Variants in RAG1 observed in about 807,000 individuals in gnomAD.
RAG1 encodes the protein V(D)J recombination-activating protein 1.
Under a neutral mutation model 62.7 loss-of-function variants are expected in RAG1, and 35 were observed. The ratio of observed to expected loss-of-function variants is 0.56; its 90% CI spans 0.43 to 0.74. The LOEUF (loss-of-function observed/expected upper bound fraction) is 0.74, where lower values mean the gene tolerates loss of function less well. Among genes scored for constraint, RAG1 ranks in the 30% least tolerant of loss-of-function variants. The pLI is 0.00. For synonymous variants in RAG1, 461 were observed against 470.3 expected (o/e 0.98, Z 0.26); for missense variants, 1,169 against 1,278.6 (o/e 0.91, Z 1.31).
At chr11:36,547,542 ATG>A (rs1850413447) in intron 3 of RAG1, among the ~76,000 whole-genome samples, 1 of 152,072 alleles carries the variant, frequency 6.6e-6, no homozygotes, top group African/African-American at 2.4e-5. Context: ...GGATAAATTC[ATG>A]GACACATATA....
At chr11:36,551,280 C>T (rs1850477763) in intron 3 of RAG1, among the ~76,000 whole-genome samples, 1 of 152,044 alleles carries the variant, frequency 6.6e-6, no homozygotes, top group Non-Finnish European at 1.5e-5. Flanking sequence ...TATCATAGGT[C>T]TTTCTGATTA....
At chr11:36,540,542 C>A (rs1285287597), downstream of RAG1, among the ~76,000 whole-genome samples, 1 of 152,080 alleles carries the variant, frequency 6.6e-6, no homozygotes, top group Non-Finnish European at 1.5e-5. Flanking sequence ...GTAGCTGGGA[C>A]TACAGGCGCC....
intron 1 of RAG1, among the ~76,000 whole-genome samples, chr11:36,514,994 T>G (rs1246280658): frequency 6.6e-6 from 1 of 152,106 alleles, no homozygotes; most frequent in Non-Finnish European, 1.5e-5. Context: ...GTCAGTGTGG[T>G]TGAGGCAGGG....
chr11:36,514,727 G>A (rs1325680725), intron 1 of RAG1, among the ~76,000 whole-genome samples: 2 of 152,306 alleles, frequency 1.3e-5, no homozygotes, highest in Non-Finnish European at 1.5e-5. Flanking sequence ...GTGCTCTTGT[G>A]AGAATCTAAT....
chr11:36,565,624 G>C (rs147500932), upstream of RAG1, among the ~76,000 whole-genome samples: 2 of 152,162 alleles, frequency 1.3e-5, no homozygotes, highest in African/African-American at 4.8e-5. Context: ...AATTTGCTTG[G>C]AACAACATGG....
At chr11:36,528,215 T>TATTCTAA (rs1860195975) in intron 2 of RAG1, among the ~76,000 whole-genome samples, 1 of 152,136 alleles carries the variant, frequency 6.6e-6, no homozygotes, top group East Asian at 1.9e-4. Context: ...ACATCACACT[T>TATTCTAA]ATTCTAAAAT....
rs1850817905 is a variant in RAG1 at position 36,574,975 on chromosome 11, A to G, written c.1671A>G (p.Ala557=). ...ATGATTACCCAGTGGACACCATTGC[A>G]AAGAGGTTCCGCTATGATTCAGCTT... is the stretch of plus-strand genomic sequence containing the variant. The part of the protein sequence containing the change: ...SVDDYPVDTI[A]KRFRYDSALV... Residue 557 remains alanine, a synonymous_variant, in exon 2 of 2, where the codon GCA becomes GCG. Transcript: ENST00000299440. 4 of 1,614,052 alleles carry G rather than the reference A, an allele frequency of 2.5e-6. No individual in the cohort carries two copies. Among genetic ancestry groups the G allele is most frequent in the Non-Finnish European group, 2.5e-6 (3 of 1,180,030 alleles).
intron 2 of RAG1, among the ~76,000 whole-genome samples, chr11:36,529,691 A>G (rs995758481): frequency 1.3e-5 from 2 of 152,190 alleles, no homozygotes; most frequent in Non-Finnish European, 2.9e-5. Context: ...TTAGGAAAAC[A>G]GGAAGTCAAA....
intron 1 of RAG1, among the ~76,000 whole-genome samples, chr11:36,514,777 A>G (rs1472778115): frequency 1.3e-5 from 2 of 152,196 alleles, no homozygotes; most frequent in Non-Finnish European, 2.9e-5. Flanking sequence ...TCAGGCAGTA[A>G]TGTGAGGATG....
intron 3 of RAG1, among the ~76,000 whole-genome samples, chr11:36,561,455 AT>A (rs201438873): frequency 3.2e-3 from 487 of 151,632 alleles, no homozygotes; most frequent in African/African-American, 0.01. Context: ...TTGTTTATTA[AT>A]TTTTTTTTGT....
At chr11:36,558,500 A>T (rs1471937303) in intron 3 of RAG1, among the ~76,000 whole-genome samples, 1 of 152,116 alleles carries the variant, frequency 6.6e-6, no homozygotes. Flanking sequence ...TACTGAATTG[A>T]TTCATTTATC....
chr11:36,558,860 G>T (rs1208562054), intron 3 of RAG1, among the ~76,000 whole-genome samples: 1 of 152,040 alleles, frequency 6.6e-6, no homozygotes, highest in Non-Finnish European at 1.5e-5. Flanking sequence ...ATCTCTTACT[G>T]TTTATCTTTG....
rs1174453150 is a variant in RAG1, at chr11:36,531,510, C to T, written n.429-4449C>T. 2.9e-4 allele frequency among the ~76,000 whole-genome samples: 44 copies of T among 151,914 alleles called. 1 individual carries two copies. Among genetic ancestry groups the T allele is most frequent in the Admixed American group, 2.8e-3 (42 of 15,238 alleles). On this transcript the variant is annotated intron_variant and non_coding_transcript_variant, in intron 2 of 2. Transcript: ENST00000529126. ...TTTAACGTTTTTGCTCTAGGCATTA[C>T]ATTATATATATGTATATATATGATT...
chr11:36,574,456 G>T lies in RAG1; in HGVS notation c.1152G>T (p.Glu384Asp). 1.2e-6 allele frequency: 2 copies of T among 1,614,222 alleles called. No individual in the cohort carries two copies. The highest frequency in any genetic ancestry group is 1.7e-6 in the Non-Finnish European group (2 of 1,180,050). ...TCTCAAGTCACAAGGAATCAAAAGA[G>T]ATTTTTGTGCACATTAATAAAGGGG... ...HHISSHKESK[E>D]IFVHINKGGR... Residue 384 changes from glutamate to aspartate, a missense_variant, in exon 2 of 2, where the codon GAG becomes GAT. Physicochemically the swap from Glu to Asp is conservative, Grantham distance 45 (BLOSUM62 2). Around this residue, in one of 2 missense-constraint regions of RAG1, gnomAD observed 800 missense variants for 943.3 expected, o/e 0.85. Coordinates refer to ENST00000299440, the MANE Select transcript of RAG1 (RefSeq NM_000448.3).
intron 3 of RAG1, among the ~76,000 whole-genome samples, chr11:36,562,758 A>G (rs922914086): frequency 3.9e-5 from 6 of 152,228 alleles, no homozygotes; most frequent in African/African-American, 1.4e-4. Context: ...TAGCTTAAAC[A>G]TAAGAAAATA....
At chr11:36,542,852 T>A (rs1254061468) in intron 3 of RAG1, among the ~76,000 whole-genome samples, 1 of 152,082 alleles carries the variant, frequency 6.6e-6, no homozygotes, top group East Asian at 1.9e-4. Context: ...ATACCTCCAG[T>A]GTAAAAAAAA....
intron 2 of RAG1, among the ~76,000 whole-genome samples, chr11:36,520,901 C>T (rs1860068925): frequency 6.6e-6 from 1 of 151,274 alleles, no homozygotes; most frequent in African/African-American, 2.4e-5. Context: ...GCATGTTATC[C>T]TTAAATATTT....
rs752977291 is a variant in RAG1, at chr11:36,575,366, A to G, written c.2062A>G (p.Ser688Gly). Reference protein sequence around the residue: ...LIAEREAMKSSELMLELGGIL... With the variant: ...LIAEREAMKSGELMLELGGIL... ...TGCTGAGAGGGAGGCCATGAAGAGC[A>G]GTGAATTAATGCTTGAGCTGGGAGG... The change falls in exon 2 of 2, where the codon AGT becomes GGT. Residue 688 changes from serine to glycine, a missense_variant. Physicochemically the swap from Ser to Gly is moderately conservative, Grantham distance 56. Around this residue, in one of 2 missense-constraint regions of RAG1, gnomAD observed 800 missense variants for 943.3 expected, o/e 0.85. Coordinates refer to ENST00000299440, the MANE Select transcript of RAG1 (RefSeq NM_000448.3). This position sits in a 1 kb window ranked among gnomAD's most constrained non-coding sequence, Gnocchi z 4.1. The G allele has an allele frequency of 3.1e-6, 5 of 1,614,180 alleles. No individual in the cohort carries two copies. The East Asian group carries it at 8.9e-5, about 29-fold the overall frequency.
At chr11:36,530,148 T>C (rs1240180325) in intron 2 of RAG1, among the ~76,000 whole-genome samples, 2 of 152,014 alleles carry the variant, frequency 1.3e-5, no homozygotes, top group African/African-American at 4.8e-5. Context: ...TTTTTAAATC[T>C]GCAGGGTCTA....
Sources: allele counts gnomAD v4.1 joint callset (sites outside exome capture counted in the v4.1 genomes callset), GRCh38; gene constraint gnomAD v4.1.1; regional missense constraint gnomAD v4.1.1; non-coding constraint Gnocchi (gnomAD v3.1); transcripts MANE v1.5; gene names NCBI Gene and HGNC (gene_info 2026-07-23, HGNC 2026-07-21).